MCC: variants seen among roughly 807,000 people sequenced by gnomAD.
The protein encoded by MCC is MCC regulator of Wnt signaling pathway.
MCC carries 90 observed loss-of-function variants against 116.2 expected under a neutral mutation model. That is an observed-to-expected ratio of 0.77 (90% CI 0.65 to 0.92). MCC has a LOEUF of 0.92. Among genes scored for constraint, MCC ranks in the 40% least tolerant of loss-of-function variants. The probability of loss-of-function intolerance (pLI) is 0.00; values close to 1 mark genes in which losing one functional copy is unlikely to be tolerated. For synonymous variants in MCC, 578 were observed against 510.5 expected, an observed-to-expected ratio of 1.13 and a Z score of -1.78; for missense variants, 1,516 against 1,312.2, an observed-to-expected ratio of 1.16 and a Z score of -2.40.
At chr5:113,410,590 G>A (rs1427234838) in intron 1 of MCC, among the ~76,000 whole-genome samples, 4 of 152,110 alleles carry the variant, frequency 2.6e-5, no homozygotes, top group Admixed American at 2.6e-4. Context: ...TGCTACATCT[G>A]CATAATGAAT....
chr5:113,342,497 T>C (rs1249324948), intron 2 of MCC, among the ~76,000 whole-genome samples: 1 of 152,180 alleles, frequency 6.6e-6, no homozygotes, highest in Non-Finnish European at 1.5e-5. Flanking sequence ...TAGAAGGTAA[T>C]AAAACATGCT....
rs372859527 is a variant in MCC, at chr5:113,093,813, G to A, written c.1398+7926C>T. Among the ~76,000 whole-genome samples, 6 of 152,232 alleles carry A rather than the reference G, an allele frequency of 3.9e-5. No individual in the cohort carries two copies. The East Asian group carries it at 7.7e-4, about 20-fold the overall frequency. On this transcript the variant is annotated intron_variant, in intron 8 of 18. Transcript: ENST00000408903. The stretch of plus-strand genomic sequence containing the variant: ...AAGGTGGCACCAGAGTCCTGAGCAG[G>A]ATCAGAAACATTTTTATTAGCCATA...
chr5:113,334,365 G>A (rs1053213877), intron 3 of MCC, among the ~76,000 whole-genome samples: 2 of 150,474 alleles, frequency 1.3e-5, no homozygotes, highest in South Asian at 2.1e-4. Context: ...GTGCCACCAC[G>A]CCCAGCTAAT....
At chr5:113,486,755 A>C (rs348948) in intron 1 of MCC, among the ~76,000 whole-genome samples, 104,270 of 151,360 alleles carry the variant, frequency 0.69, 36,336 homozygotes, top group East Asian at 0.88. Flanking sequence ...AGGCAGGAGA[A>C]TCTCTTGAAC....
intron 11 of MCC, among the ~76,000 whole-genome samples, chr5:113,079,510 T>G (rs1228573660): frequency 6.6e-6 from 1 of 152,150 alleles, no homozygotes; most frequent in East Asian, 1.9e-4. Flanking sequence ...ACCGCACATC[T>G]ACAACCATCT....
intron 2 of MCC, among the ~76,000 whole-genome samples, chr5:113,378,021 A>T (rs1581438823): frequency 6.6e-6 from 1 of 152,204 alleles, no homozygotes; most frequent in South Asian, 2.1e-4. Flanking sequence ...TAACAATGAA[A>T]TCTAATAGTA....
intron 3 of MCC, among the ~76,000 whole-genome samples, chr5:113,283,989 T>G (rs897848123): frequency 2.6e-5 from 4 of 152,232 alleles, no homozygotes; most frequent in African/African-American, 9.6e-5. Flanking sequence ...TTCTCTTCCT[T>G]ATGATTTTCT....
intron 3 of MCC, among the ~76,000 whole-genome samples, chr5:113,219,008 G>T (rs1763438997): frequency 6.6e-6 from 1 of 152,234 alleles, no homozygotes; most frequent in African/African-American, 2.4e-5. Flanking sequence ...TCTAAAAAAA[G>T]AAATTTTTTA....
At chr5:113,391,452 T>C (rs34951736) in intron 1 of MCC, among the ~76,000 whole-genome samples, 23,113 of 152,172 alleles carry the variant, frequency 0.15, 2,118 homozygotes, top group Non-Finnish European at 0.21. Flanking sequence ...TAGTGGTTCA[T>C]GCCTGTAATC....
intron 3 of MCC, among the ~76,000 whole-genome samples, chr5:113,241,041 T>C (rs1455928622): frequency 2.6e-5 from 4 of 152,186 alleles, no homozygotes; most frequent in Non-Finnish European, 5.9e-5. Context: ...ATTAGTTGAA[T>C]CAGAAACTGA....
intron 3 of MCC, among the ~76,000 whole-genome samples, chr5:113,253,758 G>C (rs1260000174): frequency 6.6e-6 from 1 of 152,064 alleles, no homozygotes; most frequent in Non-Finnish European, 1.5e-5. Context: ...AAGCAGAAGA[G>C]AATTTTAGGG....
chr5:113,394,146 T>A (rs1339330340), intron 1 of MCC, among the ~76,000 whole-genome samples: 2 of 152,150 alleles, frequency 1.3e-5, no homozygotes, highest in African/African-American at 2.4e-5. Flanking sequence ...TCAACCTACA[T>A]AAATTATACC....
At chr5:113,360,767 G>A (rs1768525671) in intron 2 of MCC, among the ~76,000 whole-genome samples, 1 of 152,116 alleles carries the variant, frequency 6.6e-6, no homozygotes. Flanking sequence ...ATCTATAGCA[G>A]TCTCCTTTTT....
At chr5:113,269,110 T>A (rs912514498) in intron 3 of MCC, 17 of 935,948 alleles carry the variant, frequency 1.8e-5, no homozygotes, top group Middle Eastern at 5.5e-4. Context: ...ATGAAGGAAA[T>A]AAAAGTCAGA....
intron 1 of MCC, among the ~76,000 whole-genome samples, chr5:113,415,617 T>A (rs1156847435): frequency 6.6e-6 from 1 of 152,240 alleles, no homozygotes; most frequent in Non-Finnish European, 1.5e-5. Flanking sequence ...TTCAGCTCCA[T>A]CAGGTCATTT....
At chr5:113,081,873 G>A (rs1010608255) in intron 11 of MCC, among the ~76,000 whole-genome samples, 2 of 152,228 alleles carry the variant, frequency 1.3e-5, no homozygotes, top group Admixed American at 1.3e-4. Flanking sequence ...CCATACACAA[G>A]AGGAATGGAA....
intron 1 of MCC, among the ~76,000 whole-genome samples, chr5:113,404,792 G>A (rs946580384): frequency 6.8e-6 from 1 of 147,752 alleles, no homozygotes; most frequent in Non-Finnish European, 1.5e-5. Flanking sequence ...TATAATGGTG[G>A]CACAACATCC....
chr5:113,337,574 T>A (rs959539381), intron 3 of MCC, among the ~76,000 whole-genome samples: 9 of 152,180 alleles, frequency 5.9e-5, no homozygotes, highest in Non-Finnish European at 1.2e-4. Flanking sequence ...TATTCCTGTG[T>A]TCAGTACGGT....
intron 11 of MCC, 112 bp downstream of exon 11, chr5:113,082,748 T>A: frequency 7.6e-7 from 1 of 1,318,294 alleles, no homozygotes; most frequent in South Asian, 1.4e-5. Context: ...AGCCTGACGG[T>A]ACTGCTCTAT....
Sources: allele counts gnomAD v4.1 joint callset (sites outside exome capture counted in the v4.1 genomes callset), GRCh38; gene constraint gnomAD v4.1.1; transcripts MANE v1.5; gene names NCBI Gene and HGNC (gene_info 2026-07-23, HGNC 2026-07-21).